Variants in SCD5 observed in about 807,000 individuals in gnomAD.
SCD5 encodes the protein acyl-CoA-desaturase 4.
In SCD5, 20 loss-of-function variants were observed where a neutral mutation model predicts 30.4. The ratio of observed to expected loss-of-function variants is 0.66; its 90% CI spans 0.46 to 0.96. The LOEUF (loss-of-function observed/expected upper bound fraction) is 0.96. SCD5 is among the 40% of genes least tolerant of loss of function. The pLI is 0.00. For synonymous variants in SCD5, 173 were observed against 176.4 expected (o/e 0.98, Z 0.16); for missense variants, 381 against 443.3 (o/e 0.86, Z 1.26).
chr4:82,797,547 G>A (rs1722251288), intron 1 of SCD5, among the ~76,000 whole-genome samples: 1 of 152,022 alleles, frequency 6.6e-6, no homozygotes, highest in African/African-American at 2.4e-5. Context: ...GAGGGTACCA[G>A]GAGAGCCACA....
intron 3 of SCD5, among the ~76,000 whole-genome samples, chr4:82,643,023 G>A (rs1316875616): frequency 1.3e-5 from 2 of 152,110 alleles, no homozygotes; most frequent in Non-Finnish European, 2.9e-5. Context: ...CCTTCACTTT[G>A]CAAATAATTA....
chr4:82,660,820 C>T (rs1727984209), intron 3 of SCD5: 2 of 1,611,644 alleles, frequency 1.2e-6, no homozygotes, highest in African/African-American at 1.3e-5. Context: ...GAGTCCCCGT[C>T]TGTTATTCTA....
At chr4:82,702,796 C>T (rs1719881657) in intron 2 of SCD5, among the ~76,000 whole-genome samples, 1 of 152,164 alleles carries the variant, frequency 6.6e-6, no homozygotes, top group Non-Finnish European at 1.5e-5. Context: ...AGTCACCATC[C>T]TACACTGGCA....
chr4:82,741,033 C>T (rs140374208), intron 1 of SCD5, among the ~76,000 whole-genome samples: 10 of 152,056 alleles, frequency 6.6e-5, no homozygotes, highest in Middle Eastern at 3.4e-3. Context: ...CTTCTAGGCC[C>T]CAGGCCCAAG....
intron 1 of SCD5, among the ~76,000 whole-genome samples, chr4:82,768,083 T>TAAAA (rs2148847633): frequency 6.6e-6 from 1 of 152,332 alleles, no homozygotes; most frequent in South Asian, 2.1e-4. Context: ...TTCTCCTATA[T>TAAAA]AAAAATAATA....
At chr4:82,710,848 G>A (rs73829969) in intron 1 of SCD5, among the ~76,000 whole-genome samples, 1,921 of 150,026 alleles carry the variant, frequency 0.013, 43 homozygotes, top group African/African-American at 0.045. Flanking sequence ...GAGAGAGGGA[G>A]AGAGAAAATG....
chr4:82,653,364 C>T (rs1727795260), intron 3 of SCD5, among the ~76,000 whole-genome samples: 1 of 152,148 alleles, frequency 6.6e-6, no homozygotes, highest in Non-Finnish European at 1.5e-5. Flanking sequence ...AATAGAGCTA[C>T]CACAGTTGTA....
At chr4:82,768,089 T>C (rs1404266883) in intron 1 of SCD5, among the ~76,000 whole-genome samples, 2 of 152,218 alleles carry the variant, frequency 1.3e-5, no homozygotes, top group Non-Finnish European at 2.9e-5. Context: ...TATATAAAAA[T>C]AATAACTAGC....
intron 3 of SCD5, among the ~76,000 whole-genome samples, chr4:82,668,624 A>C (rs1172837637): frequency 2.6e-5 from 4 of 152,242 alleles, no homozygotes; most frequent in African/African-American, 9.6e-5. Flanking sequence ...ATCTGTTATT[A>C]AACTGTGAGC....
intron 4 of SCD5, among the ~76,000 whole-genome samples, chr4:82,634,486 C>T (rs56396312): frequency 0.27 from 34,371 of 127,866 alleles, 4,280 homozygotes; most frequent in East Asian, 0.37. Context: ...CACACCACCT[C>T]CCCCCCCCAT....
chr4:82,783,966 T>C (rs1267710776), intron 1 of SCD5, among the ~76,000 whole-genome samples: 1 of 152,188 alleles, frequency 6.6e-6, no homozygotes, highest in African/African-American at 2.4e-5. Flanking sequence ...ATGTCTCCAA[T>C]TTATTCTTAA....
At chr4:82,774,849 A>C (rs1309986746) in intron 1 of SCD5, among the ~76,000 whole-genome samples, 1 of 152,180 alleles carries the variant, frequency 6.6e-6, no homozygotes, top group East Asian at 1.9e-4. Context: ...TGATGGAGGA[A>C]TTTGGAATTT....
chr4:82,700,654 C>T (rs1331082488), intron 2 of SCD5, among the ~76,000 whole-genome samples: 1 of 151,716 alleles, frequency 6.6e-6, no homozygotes, highest in African/African-American at 2.4e-5. Flanking sequence ...GGGTGTGGTG[C>T]TATGTGCCTA....
At chr4:82,767,502 C>T (rs546444558) in intron 1 of SCD5, among the ~76,000 whole-genome samples, 30 of 152,258 alleles carry the variant, frequency 2.0e-4, no homozygotes, top group African/African-American at 3.4e-4. Flanking sequence ...TGGAGATCTC[C>T]GTCCTGTTCT....
chr4:82,680,962 C>A, intron 2 of SCD5, 50 bp from the exon 3 acceptor site: 1 of 1,553,290 alleles, frequency 6.4e-7, no homozygotes, highest in Non-Finnish European at 8.8e-7. Flanking sequence ...CACCGCCGAG[C>A]ATCCTCCTGG....
In SCD5 at chr4:82,666,317, G is replaced by A. The variant is rs193041556; in HGVS notation, c.569+14390C>T. 2.7e-3 allele frequency among the ~76,000 whole-genome samples: 416 copies of A among 152,218 alleles called. 6 individuals are homozygous for A. Among genetic ancestry groups the A allele is most frequent in the Non-Finnish European group, 1.2e-3 (83 of 68,010 alleles). On this transcript the variant is annotated intron_variant, in intron 3 of 4. Transcript: ENST00000319540. ...CTGTTGATTACTGGGTGACGCCCTG[G>A]AGCTACAGCCATACACTTTCCTTGA...
intron 4 of SCD5, among the ~76,000 whole-genome samples, chr4:82,635,225 C>T (rs1727398438): frequency 6.6e-6 from 1 of 152,170 alleles, no homozygotes; most frequent in African/African-American, 2.4e-5. Context: ...CCTGAGGCCT[C>T]TGAAGTAACT....
intron 3 of SCD5, among the ~76,000 whole-genome samples, chr4:82,679,751 G>A (rs369303417): frequency 6.6e-6 from 1 of 152,122 alleles, no homozygotes. Context: ...AGAGGCTTTG[G>A]GGGGAAAGAG....
At chr4:82,721,234 A>G (rs1013868151) in intron 1 of SCD5, among the ~76,000 whole-genome samples, 7 of 152,202 alleles carry the variant, frequency 4.6e-5, no homozygotes, top group African/African-American at 1.4e-4. Context: ...AGCTCCCTGT[A>G]GCATATAGGC....
Sources: gnomAD v4.1 joint callset for allele counts (sites outside exome capture counted in the v4.1 genomes callset) on GRCh38, gnomAD v4.1.1 for gene constraint, MANE v1.5 for transcripts, NCBI Gene and HGNC (gene_info 2026-07-23, HGNC 2026-07-21) for gene names.